The following TENT2 variants were observed in gnomAD, a reference collection of about 807,000 sequenced individuals.
The protein encoded by TENT2 is poly(A) RNA polymerase GLD2.
Under a neutral mutation model 72.2 loss-of-function variants are expected in TENT2, and 44 were observed. The ratio of observed to expected loss-of-function variants is 0.61; its 90% CI spans 0.48 to 0.78. The LOEUF is 0.78. Ranked by LOEUF, TENT2 falls within the 30% of genes least tolerant of loss-of-function variation. The pLI, the probability that TENT2 is intolerant of heterozygous loss-of-function variation, is 0.00. For missense variants in TENT2, 541 were observed against 569.6 expected (o/e 0.95, Z 0.51); for synonymous variants, 212 against 192.5 (o/e 1.10, Z -0.84).
intron 10 of TENT2, among the ~76,000 whole-genome samples, chr5:79,654,057 A>C (rs1796116821): frequency 1.3e-5 from 2 of 152,262 alleles, no homozygotes; most frequent in African/African-American, 2.4e-5. Flanking sequence ...GTAGTCAATA[A>C]TTGACTACAG....
At position 79,687,564 on chromosome 5, in the gene TENT2, T is replaced by G. The variant is rs1826418471; in HGVS notation, c.*2291T>G. Among the ~76,000 whole-genome samples the G allele has an allele frequency of 6.6e-6, 1 of 152,208 alleles. No homozygotes were observed. Among genetic ancestry groups the G allele is most frequent in the Non-Finnish European group, 1.5e-5 (1 of 68,044 alleles). On this transcript the variant is annotated 3_prime_UTR_variant, in exon 15 of 15. Transcript: ENST00000453514. ...AATGTAAATGCTATGTAAATAGTTG[T>G]TATACTGTATTGTTTAGGGAATAAT...
intron 12 of TENT2, among the ~76,000 whole-genome samples, chr5:79,675,893 G>GCCTAT: frequency 6.6e-6 from 1 of 152,200 alleles, no homozygotes; most frequent in Non-Finnish European, 1.5e-5. Context: ...GATTATTGGA[G>GCCTAT]CCTAAGGTGT....
chr5:79,624,598 A>G (rs183221661), intron 4 of TENT2, among the ~76,000 whole-genome samples: 2 of 152,138 alleles, frequency 1.3e-5, no homozygotes, highest in African/African-American at 4.8e-5. Context: ...CCTGGCAACA[A>G]CTAATCTATT....
At chr5:79,681,150 ATTTTTTTTTTTTTTTTTT>A (rs1158559796) in intron 13 of TENT2, among the ~76,000 whole-genome samples, 1 of 44,738 alleles carries the variant, frequency 2.2e-5, no homozygotes, top group Non-Finnish European at 4.2e-5. Context: ...CTTTTCTTTG[ATTTTTTTTTTTTTTTTTT>A]TTTTTTTTTT....
At chr5:79,665,460 C>T (rs1305626132) in intron 11 of TENT2, among the ~76,000 whole-genome samples, 1 of 152,162 alleles carries the variant, frequency 6.6e-6, no homozygotes, top group Non-Finnish European at 1.5e-5. Context: ...ATGATGGAAT[C>T]TGGCAAAAGG....
chr5:79,613,137 G>T (rs781275237), intron 1 of TENT2, 62 bp downstream of exon 1: 1 of 152,142 alleles, frequency 6.6e-6, no homozygotes, highest in African/African-American at 2.4e-5. Flanking sequence ...TTAATTAAAT[G>T]GCATGAAATT....
intron 11 of TENT2, among the ~76,000 whole-genome samples, chr5:79,659,591 T>TAA (rs1280229360): frequency 8.2e-6 from 1 of 121,804 alleles, no homozygotes; most frequent in Admixed American, 8.6e-5. Flanking sequence ...TATATATATA[T>TAA]ATAATAGCCA....
chr5:79,682,186 G>A (rs1822514454), intron 14 of TENT2, 125 bp downstream of exon 14: 2 of 532,592 alleles, frequency 3.8e-6, no homozygotes, highest in South Asian at 4.2e-5. Context: ...TAGCATGATA[G>A]AGAACTTATT....
chr5:79,648,212 G>T (rs1041366411), intron 8 of TENT2, among the ~76,000 whole-genome samples: 2 of 152,082 alleles, frequency 1.3e-5, no homozygotes, highest in Non-Finnish European at 2.9e-5. Flanking sequence ...GGAGGCTGAG[G>T]TGGGGGAATT....
At chr5:79,616,865 A>G (rs1050733759) in intron 1 of TENT2, among the ~76,000 whole-genome samples, 1 of 152,232 alleles carries the variant, frequency 6.6e-6, no homozygotes, top group African/African-American at 2.4e-5. Context: ...ATGATGGTTC[A>G]TAGAATTTTG....
chr5:79,619,630 A>ACTTCCAGTGAACAAGAGCATGTTCC lies in TENT2; in HGVS notation c.-17_8dup, dbSNP rs1443510951. 1 of 1,606,096 alleles carries ACTTCCAGTGAACAAGAGCATGTTCC rather than the reference A, an allele frequency of 6.2e-7. No homozygotes were observed. The highest frequency in any genetic ancestry group is 1.1e-5 in the South Asian group (1 of 90,448). ...ATCCTAGGTAGAAGAATACATGTTC[A>ACTTCCAGTGAACAAGAGCATGTTCC]CTTCCAGTGAACAAGAGCATGTTCC... On this transcript the variant is annotated 5_prime_UTR_variant, in exon 2 of 15. It adds an upstream start codon to the 5' untranslated region. Transcript: ENST00000453514.
chr5:79,649,130 G>T lies in TENT2; in HGVS notation c.967G>T (p.Ala323Ser). ...KWASHHQINDASRGTLSSYSL... is the reference protein window; with the variant it reads ...KWASHHQINDSSRGTLSSYSL... ...GGCAAGTCACCATCAGATAAATGAT[G>T]CCAGTCGTGGTACTTTAAGCAGCTA... The change falls in exon 10 of 15, where the codon GCC (alanine) becomes TCC (serine). Residue 323 changes from alanine (A) to serine (S), a missense_variant. By Grantham distance (99) the Ala-to-Ser change is moderately conservative. Transcript: ENST00000453514. 3 of 1,613,434 alleles carry T rather than the reference G, an allele frequency of 1.9e-6. No homozygotes were observed. The highest frequency in any genetic ancestry group is 2.5e-6 in the Non-Finnish European group (3 of 1,179,646).
intron 11 of TENT2, among the ~76,000 whole-genome samples, chr5:79,668,197 C>G (rs768288772): frequency 1.8e-4 from 28 of 151,884 alleles, no homozygotes; most frequent in Non-Finnish European, 1.6e-4. Flanking sequence ...TTCTAATAGG[C>G]GTCTTTGTTC....
Position 79,623,345 on chromosome 5 carries a change from G to A in TENT2, c.321G>A (p.Val107=), listed in dbSNP as rs1766682055. The A allele has an allele frequency of 5.6e-6, 9 of 1,613,458 alleles. No homozygotes were observed. Among genetic ancestry groups the A allele is most frequent in the Non-Finnish European group, 7.6e-6 (9 of 1,179,754 alleles). ...HQEPTVVNQI[V]PLSGERRYSM... ...AGCCAACTGTAGTTAACCAGATAGT[G>A]CCTTTATCAGGTGAACGAAGATACT... The change falls in exon 4 of 15, where the codon GTG becomes GTA. Residue 107 remains valine (V), a synonymous_variant. Transcript: ENST00000453514.
rs759860889 is a variant in TENT2 at position 79,648,624 on chromosome 5, G to C, written c.829G>C (p.Glu277Gln). Reference protein sequence around the residue: ...VKFRDKVSCVEFDLNVNNIVG... With the variant: ...VKFRDKVSCVQFDLNVNNIVG... Reference sequence around the variant, plus strand: ...TTATTTTTTCTTAAATAGTTGTGTGGAGTTTGACTTGAATGTAAACAATAT... The same window carrying C: ...TTATTTTTTCTTAAATAGTTGTGTGCAGTTTGACTTGAATGTAAACAATAT... The change falls in exon 9 of 15, where the codon GAG becomes CAG. Residue 277 changes from glutamate to glutamine, a missense_variant. Coordinates refer to ENST00000453514, the MANE Select transcript of TENT2 (RefSeq NM_001114394.3). 3 of 1,575,796 alleles carry C rather than the reference G, an allele frequency of 1.9e-6. No individual in the cohort carries two copies. Among genetic ancestry groups the C allele is most frequent in the African/African-American group, 1.4e-5 (1 of 73,456 alleles).
At chr5:79,659,556 G>GTGTATATATATATA (rs1168849605) in intron 11 of TENT2, among the ~76,000 whole-genome samples, 1 of 34,270 alleles carries the variant, frequency 2.9e-5, no homozygotes, top group South Asian at 1.7e-3. Context: ...AAAAAAAAAT[G>GTGTATATATATATA]TATATATATA....
chr5:79,670,772 A>G (rs1403008308), intron 12 of TENT2, among the ~76,000 whole-genome samples: 1 of 150,124 alleles, frequency 6.7e-6, no homozygotes, highest in Non-Finnish European at 1.5e-5. Flanking sequence ...GAATTTATCT[A>G]GTGTGCTGTA....
In TENT2 at chr5:79,686,542, C is replaced by G. The variant is rs189208785; in HGVS notation, c.*1269C>G. 40 of 151,872 alleles carry G rather than the reference C, an allele frequency of 2.6e-4. 1 individual carries two copies. The highest frequency in any genetic ancestry group is 2.6e-3 in the Admixed American group (40 of 15,264). The allele number at this position is 151,872 out of a possible 1,614,324, so 9.4% of individuals were successfully genotyped here. A position where few individuals can be genotyped will look rare whatever the true frequency, so the allele number is the denominator to read the frequency against. ...TTTTTTTGCAGACCAAATGCTAAAA[C>G]TTTTGCTTTTCTTTGACTTGTAAAA... On this transcript the variant is annotated 3_prime_UTR_variant, in exon 15 of 15. Coordinates refer to ENST00000453514, the MANE Select transcript of TENT2 (RefSeq NM_001114394.3).
In TENT2 at chr5:79,687,800, A is replaced by G. The variant is rs1024693945; in HGVS notation, c.*2527A>G. On this transcript the variant is annotated 3_prime_UTR_variant, in exon 15 of 15. Coordinates refer to ENST00000453514, the MANE Select transcript of TENT2 (RefSeq NM_001114394.3). Reference sequence around the variant, plus strand: ...AAATTTTGGATTGATTTGAACTAGGATCTTTGCAAATAAATCTCATAGACA... The same window carrying G: ...AAATTTTGGATTGATTTGAACTAGGGTCTTTGCAAATAAATCTCATAGACA... Among the ~76,000 whole-genome samples, 7 of 152,248 alleles carry G rather than the reference A, an allele frequency of 4.6e-5. No individual in the cohort carries two copies. Among genetic ancestry groups the G allele is most frequent in the Admixed American group, 2.0e-4 (3 of 15,284 alleles).
Sources: gnomAD v4.1 joint callset for allele counts (sites outside exome capture counted in the v4.1 genomes callset) on GRCh38, gnomAD v4.1.1 for gene constraint, MANE v1.5 for transcripts, NCBI Gene and HGNC (gene_info 2026-07-23, HGNC 2026-07-21) for gene names.